The following PDXDC1 variants were observed in gnomAD, a reference collection of about 807,000 sequenced individuals.
The protein encoded by PDXDC1 is pyridoxal dependent decarboxylase domain containing 1, also known as pyridoxal-dependent decarboxylase domain-containing protein 1.
In PDXDC1, 42 loss-of-function variants were observed where a neutral mutation model predicts 100.1. The observed-to-expected ratio is 0.42, with a 90% CI of 0.33 to 0.54. The LOEUF is 0.54. Ranked by LOEUF, PDXDC1 falls within the 20% of genes least tolerant of loss-of-function variation. The probability of loss-of-function intolerance (pLI) is 0.10; values close to 1 mark genes in which losing one functional copy is unlikely to be tolerated. For missense variants in PDXDC1, 636 were observed against 979.2 expected, an observed-to-expected ratio of 0.65 and a Z score of 4.68; for synonymous variants, 260 against 371.7, an observed-to-expected ratio of 0.70 and a Z score of 3.46.
At chr16:15,130,179 C>A (rs1208127817) in intron 16 of PDXDC1, 1 of 1,542,732 alleles carries the variant, frequency 6.5e-7, no homozygotes, top group East Asian at 2.4e-5. Flanking sequence ...TGCAGAGGCT[C>A]CCAGGAGCAC....
At chr16:14,975,699 C>G (rs1378217477) in intron 1 of PDXDC1, 1 of 982,298 alleles carries the variant, frequency 1.0e-6, no homozygotes, top group African/African-American at 1.8e-5. Context: ...CAACTTCAGC[C>G]TGAGTGGGAA....
chr16:15,009,959 T>C (rs2041119131), intron 8 of PDXDC1, among the ~76,000 whole-genome samples, 200 bp downstream of exon 8: 1 of 152,302 alleles, frequency 6.6e-6, no homozygotes, highest in Admixed American at 6.5e-5. Flanking sequence ...TTGGAAGTTA[T>C]TTTATGTGTG....
At chr16:15,026,969 A>T (rs1373732422) in intron 14 of PDXDC1, among the ~76,000 whole-genome samples, 1 of 152,272 alleles carries the variant, frequency 6.6e-6, no homozygotes, top group African/African-American at 2.4e-5. Context: ...TTGCTTGAAC[A>T]TAAAGATTTG....
intron 16 of PDXDC1, among the ~76,000 whole-genome samples, chr16:15,124,697 G>A (rs1418537495): frequency 2.6e-5 from 4 of 151,810 alleles, no homozygotes; most frequent in African/African-American, 2.4e-5. Context: ...GTTTGAACCC[G>A]GGAGGCAGAG....
chr16:15,007,140 T>C (rs181249724), intron 6 of PDXDC1, among the ~76,000 whole-genome samples: 677 of 149,774 alleles, frequency 4.5e-3, no homozygotes, highest in African/African-American at 0.016. Context: ...CTAGAATTGC[T>C]GGATCAAAGA....
At chr16:15,130,581 A>G (rs2047999378) in intron 16 of PDXDC1, 2 of 1,346,452 alleles carry the variant, frequency 1.5e-6, no homozygotes, top group South Asian at 2.3e-5. Flanking sequence ...AACCCGGGCA[A>G]TGCTGACCCA....
At chr16:15,042,185 C>CTT (rs34790085), downstream of PDXDC1, among the ~76,000 whole-genome samples, 7 of 135,568 alleles carry the variant, frequency 5.2e-5, no homozygotes, top group East Asian at 2.2e-4. Context: ...AATTTTATAT[C>CTT]TTTTTTTTTT....
rs577327109 is a variant in PDXDC1 at position 15,080,663 on chromosome 16, C to T, written c.1399+50607C>T. ...CCAGGCTGGTCTTCAACTCCTGGAT[C>T]TTCCCACTTCAGCCTCCTGAAGTGC... is the stretch of plus-strand genomic sequence containing the variant. On this transcript the variant is annotated intron_variant, in intron 16 of 16. Transcript: ENST00000535621. Among the ~76,000 whole-genome samples, 22 of 152,266 alleles carry T rather than the reference C, an allele frequency of 1.4e-4. 1 individual carries two copies. In the South Asian group the frequency reaches 4.1e-3, roughly 29 times the overall value.
intron 16 of PDXDC1, among the ~76,000 whole-genome samples, chr16:15,112,203 G>T (rs549063438): frequency 4.1e-4 from 61 of 148,726 alleles, no homozygotes; most frequent in African/African-American, 1.4e-3. Flanking sequence ...AGATACCTAT[G>T]AATCTCCTGA....
intron 16 of PDXDC1, among the ~76,000 whole-genome samples, chr16:15,083,155 C>T (rs1425631485): frequency 2.0e-5 from 3 of 152,218 alleles, no homozygotes; most frequent in Admixed American, 6.5e-5. Context: ...AATCCCAGCA[C>T]TTTGGGAGGC....
At chr16:14,996,997 C>T (rs1325648160) in intron 1 of PDXDC1, among the ~76,000 whole-genome samples, 4 of 152,160 alleles carry the variant, frequency 2.6e-5, no homozygotes, top group Non-Finnish European at 4.4e-5. Flanking sequence ...CATGCGTTGC[C>T]GGTACCCTGG....
rs757343332 is a variant in PDXDC1 at position 15,038,286 on chromosome 16, T to A, written c.*2011T>A. 3.6e-5 allele frequency: 38 copies of A among 1,062,052 alleles called. No individual in the cohort carries two copies. The highest frequency in any genetic ancestry group is 5.1e-5 in the Non-Finnish European group (37 of 719,168). The allele number at this position is 1,062,052 out of a possible 1,614,324, so 65.8% of individuals were successfully genotyped here. On this transcript the variant is annotated 3_prime_UTR_variant, in exon 23 of 23. Transcript: ENST00000396410. ...GCTGTGATAAAGATGTCAAAGTATC[T>A]TTGTTCTTGGACACAAATATATATA...
intron 16 of PDXDC1, chr16:15,135,043 G>C (rs532994285): frequency 1.9e-6 from 1 of 529,538 alleles, no homozygotes; most frequent in African/African-American, 1.9e-5. Flanking sequence ...TGGTATTGCT[G>C]GGGGACTGTG....
At position 15,131,674 on chromosome 16, in the gene PDXDC1, C is replaced by T. The variant is rs570958689; in HGVS notation, c.1400-7205C>T. On this transcript the variant is annotated intron_variant, in intron 16 of 16. Coordinates refer to the PDXDC1 transcript ENST00000535621. ...TCCCAGCTCTGAGCGCTGTGGTGCC[C>T]GCACGTCTGAGCTGGCCAGGTGGAT... 1.9e-4 allele frequency: 304 copies of T among 1,568,424 alleles called. No homozygotes were observed. The East Asian group carries it at 4.6e-3, about 24-fold the overall frequency.
chr16:15,051,095 G>C (rs1310352453), intron 16 of PDXDC1, among the ~76,000 whole-genome samples: 1 of 152,206 alleles, frequency 6.6e-6, no homozygotes, highest in Non-Finnish European at 1.5e-5. Flanking sequence ...GATTACTCCT[G>C]AGATACTTAC....
chr16:15,125,928 T>C (rs1172960336), intron 16 of PDXDC1: 23 of 643,424 alleles, frequency 3.6e-5, no homozygotes, highest in Non-Finnish European at 6.2e-5. Flanking sequence ...TGTCCTAGAA[T>C]GCTGGATATA....
intron 16 of PDXDC1, among the ~76,000 whole-genome samples, chr16:15,079,430 T>G (rs1260645390): frequency 6.6e-6 from 1 of 152,230 alleles, no homozygotes; most frequent in Non-Finnish European, 1.5e-5. Flanking sequence ...CTCTAACTCA[T>G]AATGTATGTT....
chr16:15,123,294 A>C (rs1177474833), intron 16 of PDXDC1: 5 of 1,464,434 alleles, frequency 3.4e-6, no homozygotes, highest in Non-Finnish European at 4.6e-6. Context: ...CACAAACCTG[A>C]TTTCTGGTCC....
intron 13 of PDXDC1, 136 bp downstream of exon 13, chr16:15,022,890 CAAAA>C (rs1220134189): frequency 8.7e-5 from 67 of 770,094 alleles, no homozygotes; most frequent in African/African-American, 1.4e-4. Flanking sequence ...AAAAACAAAA[CAAAA>C]AAACGAAACA....
Sources: allele counts gnomAD v4.1 joint callset (sites outside exome capture counted in the v4.1 genomes callset), GRCh38; gene constraint gnomAD v4.1.1; transcripts MANE v1.5; gene names NCBI Gene and HGNC (gene_info 2026-07-23, HGNC 2026-07-21).